Variants in FOXO1 observed in about 807,000 individuals in gnomAD.
The protein encoded by FOXO1 is forkhead box protein O1.
Under a neutral mutation model 44.1 loss-of-function variants are expected in FOXO1, and 6 were observed. The ratio of observed to expected loss-of-function variants is 0.14; its 90% CI spans 0.07 to 0.27. The LOEUF is 0.27. Ranked by LOEUF, FOXO1 falls within the 10% of genes least tolerant of loss-of-function variation. FOXO1 has a pLI of 1.00. For synonymous variants in FOXO1, 380 were observed against 362.7 expected, an observed-to-expected ratio of 1.05 and a Z score of -0.54; for missense variants, 737 against 888.8, an observed-to-expected ratio of 0.83 and a Z score of 2.17.
At position 40,628,391 on chromosome 13, in the gene FOXO1, C is replaced by CACACACA. The variant is rs1566079585; in HGVS notation, c.630+37191_630+37192insTGTGTGT. Among the ~76,000 whole-genome samples, 18 of 120,034 alleles carry CACACACA rather than the reference C, an allele frequency of 1.5e-4. No homozygotes were observed. In the South Asian group the frequency reaches 4.7e-3, roughly 32 times the overall value. The allele number at this position is 120,034 out of a possible 152,430, so 78.7% of individuals were successfully genotyped here. On this transcript the variant is annotated intron_variant, in intron 1 of 2. Transcript: ENST00000379561. ...CACACACACACACACACACACACAC[C>CACACACA]CCGTGAGGGTTTCAGTCTTCCCGGG... is the stretch of plus-strand genomic sequence containing the variant.
chr13:40,582,005 C>A (rs945618149), intron 1 of FOXO1, among the ~76,000 whole-genome samples: 1 of 152,112 alleles, frequency 6.6e-6, no homozygotes, highest in Non-Finnish European at 1.5e-5. Context: ...ATATTTATAG[C>A]TAAAACAGAG....
At chr13:40,571,139 T>G (rs889292876) in intron 1 of FOXO1, among the ~76,000 whole-genome samples, 1 of 151,980 alleles carries the variant, frequency 6.6e-6, no homozygotes, top group Non-Finnish European at 1.5e-5. Flanking sequence ...GAGACTAAAT[T>G]TCATCTAGCT....
chr13:40,612,369 T>TA (rs1876265310), intron 1 of FOXO1, among the ~76,000 whole-genome samples: 1 of 152,140 alleles, frequency 6.6e-6, no homozygotes, highest in South Asian at 2.1e-4. Context: ...GCTACGAAGA[T>TA]AAAGTGCCAT....
At chr13:40,665,227 G>C in intron 1 of FOXO1, among the ~76,000 whole-genome samples, 1 of 152,030 alleles carries the variant, frequency 6.6e-6, no homozygotes. Context: ...GGAAGGGGCA[G>C]CCGAAGCAGT....
intron 1 of FOXO1, among the ~76,000 whole-genome samples, chr13:40,568,746 C>T (rs968434265): frequency 1.3e-5 from 2 of 151,976 alleles, no homozygotes; most frequent in African/African-American, 4.8e-5. Context: ...ACCACTATAC[C>T]CCCCACTGCT....
At chr13:40,662,346 T>TA (rs899727245) in intron 1 of FOXO1, among the ~76,000 whole-genome samples, 27 of 151,872 alleles carry the variant, frequency 1.8e-4, no homozygotes, top group Admixed American at 1.4e-3. Flanking sequence ...TGCCATTTAT[T>TA]AAAAAAAATC....
At position 40,661,724 on chromosome 13, in the gene FOXO1, C is replaced by T. The variant is rs552142834; in HGVS notation, c.630+3859G>A. Among the ~76,000 whole-genome samples, 3 of 152,274 alleles carry T rather than the reference C, an allele frequency of 2.0e-5. No individual in the cohort carries two copies. The East Asian group carries it at 5.8e-4, about 29-fold the overall frequency. ...TGTGACCATGCAACAAAAAAGCAGC[C>T]ATCTTTCTAACGGGATCTCTGTGGC... On this transcript the variant is annotated intron_variant, in intron 1 of 2. Coordinates refer to ENST00000379561, the MANE Select transcript of FOXO1 (RefSeq NM_002015.4).
intron 1 of FOXO1, among the ~76,000 whole-genome samples, chr13:40,641,102 G>A (rs1387732833): frequency 6.6e-6 from 1 of 151,962 alleles, no homozygotes; most frequent in Non-Finnish European, 1.5e-5. Flanking sequence ...TTATTTCTAT[G>A]TGCCAACCCC....
chr13:40,665,435 G>A (rs1235379097), intron 1 of FOXO1, 148 bp downstream of exon 1: 1 of 627,594 alleles, frequency 1.6e-6, no homozygotes, highest in Non-Finnish European at 2.3e-6. Flanking sequence ...ACCCGGGCGA[G>A]GCCACCGCGA....
intron 1 of FOXO1, chr13:40,621,274 G>A (rs12583418): frequency 0.31 from 232,122 of 755,212 alleles, 43,153 homozygotes; most frequent in East Asian, 0.66. Context: ...TGTACTGACC[G>A]ATGGCTCTCA....
At chr13:40,650,753 G>T (rs1877653278) in intron 1 of FOXO1, among the ~76,000 whole-genome samples, 1 of 152,076 alleles carries the variant, frequency 6.6e-6, no homozygotes, top group Non-Finnish European at 1.5e-5. Flanking sequence ...TTTTGTTGTT[G>T]TTAATTGTTG....
At chr13:40,634,741 G>A (rs1381521266) in intron 1 of FOXO1, among the ~76,000 whole-genome samples, 2 of 151,760 alleles carry the variant, frequency 1.3e-5, no homozygotes, top group African/African-American at 4.8e-5. Context: ...GCGCAGTGGC[G>A]CAATCTCAGC....
At chr13:40,602,906 A>G (rs1348213396) in intron 1 of FOXO1, among the ~76,000 whole-genome samples, 1 of 152,192 alleles carries the variant, frequency 6.6e-6, no homozygotes, top group Non-Finnish European at 1.5e-5. Flanking sequence ...AAGTTACACT[A>G]CCATAAAATT....
intron 1 of FOXO1, among the ~76,000 whole-genome samples, chr13:40,566,382 T>TC (rs1170936427): frequency 2.4e-4 from 36 of 151,318 alleles, no homozygotes; most frequent in Non-Finnish European, 3.7e-4. Flanking sequence ...GACTTTCATT[T>TC]TTTTTTTTTT....
intron 1 of FOXO1, among the ~76,000 whole-genome samples, chr13:40,581,703 C>A (rs1566066877): frequency 1.3e-5 from 2 of 152,168 alleles, no homozygotes; most frequent in South Asian, 2.1e-4. Context: ...AGCTGTCTGG[C>A]TTCAATTTCC....
chr13:40,587,446 A>T (rs1875210637), intron 1 of FOXO1, among the ~76,000 whole-genome samples: 1 of 152,160 alleles, frequency 6.6e-6, no homozygotes, highest in Admixed American at 6.6e-5. Context: ...TTCCCCTTCA[A>T]ATACAAATAA....
intron 1 of FOXO1, among the ~76,000 whole-genome samples, chr13:40,646,603 G>A (rs912012050): frequency 1.3e-5 from 2 of 151,828 alleles, no homozygotes; most frequent in Non-Finnish European, 2.9e-5. Flanking sequence ...GTTTTGTTTC[G>A]TTTTGTTTTG....
chr13:40,564,282 T>TA lies in FOXO1; in HGVS notation c.631-3423dup, dbSNP rs61574102. On this transcript the variant is annotated intron_variant, in intron 1 of 2. Coordinates refer to ENST00000379561, the MANE Select transcript of FOXO1 (RefSeq NM_002015.4). Reference sequence around the variant, plus strand: ...GTGGGACATATACTAATTTAGACTTTAAAAAAAAAAAAGCCACAGCAGTCT... The same window carrying TA: ...GTGGGACATATACTAATTTAGACTTTAAAAAAAAAAAAAGCCACAGCAGTCT... 4.7e-4 allele frequency among the ~76,000 whole-genome samples: 68 copies of TA among 145,584 alleles called. 1 individual carries two copies. Among genetic ancestry groups the TA allele is most frequent in the East Asian group, 8.2e-4 (4 of 4,868 alleles).
At chr13:40,618,478 T>C (rs1876498253) in intron 1 of FOXO1, among the ~76,000 whole-genome samples, 2 of 152,184 alleles carry the variant, frequency 1.3e-5, no homozygotes, top group Non-Finnish European at 2.9e-5. Context: ...CAGAACGGGA[T>C]TGTATTCTGG....
Sources: allele counts gnomAD v4.1 joint callset (sites outside exome capture counted in the v4.1 genomes callset), GRCh38; gene constraint gnomAD v4.1.1; transcripts MANE v1.5; gene names NCBI Gene and HGNC (gene_info 2026-07-23, HGNC 2026-07-21).